TRIP12: variants seen among roughly 807,000 people sequenced by gnomAD.
TRIP12 encodes E3 ubiquitin-protein ligase TRIP12.
In TRIP12, 25 loss-of-function variants were observed where a neutral mutation model predicts 244.2. The ratio of observed to expected loss-of-function variants is 0.10; its 90% CI spans 0.07 to 0.14. TRIP12 has a LOEUF of 0.14. TRIP12 is among the 10% of genes least tolerant of loss of function. TRIP12 has a pLI of 1.00. For synonymous variants in TRIP12, 905 were observed against 873.1 expected, an observed-to-expected ratio of 1.04 and a Z score of -0.64; for missense variants, 1,677 against 2,486.4, an observed-to-expected ratio of 0.67 and a Z score of 6.92.
intron 1 of TRIP12, among the ~76,000 whole-genome samples, chr2:229,915,947 A>G (rs1300521255): frequency 6.6e-6 from 1 of 152,170 alleles, no homozygotes; most frequent in Middle Eastern, 3.2e-3. Context: ...CTCCTGCCTC[A>G]GCCTCCCAAA....
At chr2:229,913,927 T>C (rs1194326625) in intron 1 of TRIP12, among the ~76,000 whole-genome samples, 1 of 152,112 alleles carries the variant, frequency 6.6e-6, no homozygotes, top group Non-Finnish European at 1.5e-5. Context: ...GGAGTAAAAA[T>C]TTTAAAGGAG....
At chr2:229,908,801 A>G (rs2073590007) in intron 1 of TRIP12, among the ~76,000 whole-genome samples, 1 of 150,340 alleles carries the variant, frequency 6.7e-6, no homozygotes, top group Non-Finnish European at 1.5e-5. Context: ...GCACTTTGGG[A>G]GGCTATGCGG....
chr2:229,779,701 T>G (rs1350986960), intron 34 of TRIP12, among the ~76,000 whole-genome samples: 1 of 152,174 alleles, frequency 6.6e-6, no homozygotes, highest in Non-Finnish European at 1.5e-5. Flanking sequence ...TTTATCAACA[T>G]GCACATATAG....
chr2:229,913,695 G>T (rs942860766), intron 1 of TRIP12, among the ~76,000 whole-genome samples: 1 of 152,074 alleles, frequency 6.6e-6, no homozygotes, highest in Non-Finnish European at 1.5e-5. Context: ...TCACAACATC[G>T]TTTCTCAATG....
intron 39 of TRIP12, 123 bp downstream of exon 39, chr2:229,771,396 C>T (rs928300162): frequency 3.0e-6 from 2 of 673,074 alleles, no homozygotes; most frequent in Non-Finnish European, 2.5e-6. Context: ...AAACATCCAT[C>T]CCCTGCTATC....
intron 1 of TRIP12, among the ~76,000 whole-genome samples, chr2:229,882,888 T>A (rs888432427): frequency 4.6e-5 from 7 of 152,324 alleles, no homozygotes; most frequent in East Asian, 1.9e-4. Flanking sequence ...AGCCTATTTG[T>A]CGATAATTCT....
chr2:229,853,130 G>C (rs2059011838), intron 4 of TRIP12, among the ~76,000 whole-genome samples: 1 of 152,048 alleles, frequency 6.6e-6, no homozygotes, highest in Non-Finnish European at 1.5e-5. Flanking sequence ...CTTAGAATAA[G>C]TCTTTACCTA....
chr2:229,794,950 A>T, intron 26 of TRIP12: 1 of 346,380 alleles, frequency 2.9e-6, no homozygotes, highest in Admixed American at 4.7e-5. Context: ...AGTTACAAAT[A>T]CAATCACTGG....
At chr2:229,882,508 G>A (rs1048093442) in intron 1 of TRIP12, among the ~76,000 whole-genome samples, 1 of 151,978 alleles carries the variant, frequency 6.6e-6, no homozygotes, top group Non-Finnish European at 1.5e-5. Flanking sequence ...GGTATACTGC[G>A]ATACACCAAG....
Position 229,774,259 on chromosome 2 carries a change from G to A in TRIP12, c.5532C>T (p.Thr1844=), listed in dbSNP as rs1389944155. ...KKRLEQDKSQ[T]KESLQYALET... is the part of the protein sequence containing the mutation. Reference sequence around the variant, plus strand: ...CTAATGCATACTGTAGACTCTCTTTGGTCTAAAAAACACAAATGGGGGAGA... The same window carrying A: ...CTAATGCATACTGTAGACTCTCTTTAGTCTAAAAAACACAAATGGGGGAGA... The change falls in exon 38 of 42, where the codon ACC becomes ACT. Residue 1844 remains threonine (T), a splice_region_variant and synonymous_variant. Coordinates refer to ENST00000675903, the MANE Select transcript of TRIP12 (RefSeq NM_001348323.3). 2.5e-6 allele frequency: 4 copies of A among 1,598,646 alleles called. No individual in the cohort carries two copies. The highest frequency in any genetic ancestry group is 2.3e-5 in the South Asian group (2 of 87,730).
chr2:229,800,045 C>A (rs1273835274), intron 21 of TRIP12, among the ~76,000 whole-genome samples: 2 of 152,120 alleles, frequency 1.3e-5, no homozygotes, highest in East Asian at 1.9e-4. Flanking sequence ...CGGGTAATCA[C>A]CAACCTGAAA....
chr2:229,892,872 A>G (rs1276670145), intron 1 of TRIP12, among the ~76,000 whole-genome samples: 1 of 152,148 alleles, frequency 6.6e-6, no homozygotes, highest in Non-Finnish European at 1.5e-5. Context: ...CCTCGAAAAA[A>G]TAAAAATAAA....
intron 34 of TRIP12, among the ~76,000 whole-genome samples, chr2:229,784,666 A>G (rs1184616740): frequency 6.6e-6 from 1 of 152,224 alleles, no homozygotes; most frequent in Non-Finnish European, 1.5e-5. Context: ...TACATGAATG[A>G]CCAATAAGCA....
chr2:229,917,979 A>G (rs1265997188), intron 1 of TRIP12, among the ~76,000 whole-genome samples: 2 of 152,084 alleles, frequency 1.3e-5, no homozygotes, highest in African/African-American at 4.8e-5. Context: ...AATCAGGTTT[A>G]TTAGTATACC....
At chr2:229,835,079 A>G (rs1047434569) in intron 6 of TRIP12, among the ~76,000 whole-genome samples, 1 of 152,252 alleles carries the variant, frequency 6.6e-6, no homozygotes. Flanking sequence ...ATTATCATGA[A>G]GAACTTAACG....
chr2:229,879,188 T>C (rs1394577769), intron 2 of TRIP12, among the ~76,000 whole-genome samples: 1 of 152,008 alleles, frequency 6.6e-6, no homozygotes, highest in East Asian at 1.9e-4. Context: ...GAAGCAGAGG[T>C]TGCAGTGAGC....
At chr2:229,912,853 C>T (rs1214388995) in intron 1 of TRIP12, among the ~76,000 whole-genome samples, 4 of 152,192 alleles carry the variant, frequency 2.6e-5, no homozygotes, top group Non-Finnish European at 5.9e-5. Context: ...TATGCACTCA[C>T]ATTAGCTGCT....
In TRIP12 at chr2:229,772,876, G is replaced by T. The variant is rs1559301970; in HGVS notation, c.5694+1221C>A. 2.0e-5 allele frequency among the ~76,000 whole-genome samples: 3 copies of T among 152,062 alleles called. No homozygotes were observed. In the East Asian group the frequency reaches 5.8e-4, roughly 29 times the overall value. The stretch of plus-strand genomic sequence containing the variant: ...AGTCACAAAGCAAGTTAGTGGAAAG[G>T]TCAGTTCAAGGGGTAGATAGCCATT... On this transcript the variant is annotated intron_variant, in intron 38 of 41. Transcript: ENST00000675903.
chr2:229,811,662 T>C (rs1380410734), intron 13 of TRIP12, among the ~76,000 whole-genome samples: 3 of 152,158 alleles, frequency 2.0e-5, no homozygotes, highest in African/African-American at 7.2e-5. Context: ...ATATTCACTA[T>C]AAAAACAAAT....
Sources: gnomAD v4.1 joint callset for allele counts (sites outside exome capture counted in the v4.1 genomes callset) on GRCh38, gnomAD v4.1.1 for gene constraint, MANE v1.5 for transcripts, NCBI Gene and HGNC (gene_info 2026-07-23, HGNC 2026-07-21) for gene names.